B4GALNT4: variants seen among roughly 807,000 people sequenced by gnomAD.
B4GALNT4 encodes beta-1,4-N-acetyl-galactosaminyltransferase 4.
In B4GALNT4, 77 loss-of-function variants were observed where a neutral mutation model predicts 110.0. That is an observed-to-expected ratio of 0.70 (90% confidence interval 0.58 to 0.85). The LOEUF is 0.85. Ranked by LOEUF, B4GALNT4 falls within the 40% of genes least tolerant of loss-of-function variation. The probability of loss-of-function intolerance (pLI) is 0.00; values close to 1 mark genes in which losing one functional copy is unlikely to be tolerated. For missense variants in B4GALNT4, 1,575 were observed against 1,506.0 expected, an observed-to-expected ratio of 1.05 and a Z score of -0.76; for synonymous variants, 785 against 655.5, an observed-to-expected ratio of 1.20 and a Z score of -3.02.
Position 373,133 on chromosome 11 carries a change from G to GC in B4GALNT4, c.535+21dup. On this transcript the variant is annotated intron_variant, in intron 5 of 19. Coordinates refer to ENST00000329962, the MANE Select transcript of B4GALNT4 (RefSeq NM_178537.5). ...CGAGGGACGGTACGGGGGTGAGGGTGCCCCGGGGGAGGGGTGCCGTGAGGC... is the reference window on the plus strand; with the variant it reads ...CGAGGGACGGTACGGGGGTGAGGGTGCCCCCGGGGGAGGGGTGCCGTGAGGC... The GC allele has an allele frequency of 6.2e-7, 1 of 1,612,516 alleles. No individual in the cohort carries two copies. Among genetic ancestry groups the GC allele is most frequent in the East Asian group, 2.2e-5 (1 of 44,876 alleles).
chr11:370,335 C>T (rs1832450721), intron 1 of B4GALNT4, among the ~76,000 whole-genome samples: 1 of 152,140 alleles, frequency 6.6e-6, no homozygotes, highest in Non-Finnish European at 1.5e-5. Flanking sequence ...AAGAGGCCTT[C>T]TCAGGCCTCG....
At position 377,347 on chromosome 11, in the gene B4GALNT4, C is replaced by T. The variant is rs768539307; in HGVS notation, c.2204+20C>T. On this transcript the variant is annotated intron_variant, in intron 14 of 19. Transcript: ENST00000329962. The stretch of plus-strand genomic sequence containing the variant: ...CGGCGGGTATGGGGGCGGCCGAACG[C>T]GCGCCAGGGCGGTTTTGGAGGCGGG... 3 of 1,478,534 alleles carry T rather than the reference C, an allele frequency of 2.0e-6. No homozygotes were observed. Among genetic ancestry groups the T allele is most frequent in the South Asian group, 1.3e-5 (1 of 74,346 alleles). The allele number at this position is 1,478,534 out of a possible 1,614,324, so 91.6% of individuals were successfully genotyped here.
At chr11:373,638 C>A in intron 7 of B4GALNT4, 112 bp from the exon 8 acceptor site, 9 of 1,517,356 alleles carry the variant, frequency 5.9e-6, no homozygotes, top group Admixed American at 3.4e-5. Flanking sequence ...GGCCAAGCTG[C>A]CATCCTCCTG....
At position 376,721 on chromosome 11, in the gene B4GALNT4, G is replaced by A. The variant is rs1304229563; in HGVS notation, c.1598G>A (p.Gly533Glu). ...GTGTACGTGACCAGGGTGCGGCCGG[G>A]ACAGCGGGCATCCCCCCGGGCCCCA... Reference protein sequence around the residue: ...PKVYVTRVRPGQRASPRAPAP... With the variant: ...PKVYVTRVRPEQRASPRAPAP... The change falls in exon 14 of 20, where the codon GGA becomes GAA. Residue 533 changes from glycine to glutamate, a missense_variant. Gly to Glu is a moderately conservative substitution (Grantham distance 98). Transcript: ENST00000329962. The A allele has an allele frequency of 2.8e-6, 4 of 1,405,396 alleles. No homozygotes were observed. Among genetic ancestry groups the A allele is most frequent in the South Asian group, 2.9e-5 (2 of 69,692 alleles). The allele number at this position is 1,405,396 out of a possible 1,614,324, so 87.1% of individuals were successfully genotyped here. A position where few individuals can be genotyped will look rare whatever the true frequency, so the allele number is the denominator to read the frequency against.
At position 375,670 on chromosome 11, in the gene B4GALNT4, G is replaced by T. The variant is rs1382969061; in HGVS notation, c.882G>T (p.Ala294=). The change falls in exon 10 of 20, where the codon GCG becomes GCT. Residue 294 remains alanine, a synonymous_variant. Transcript: ENST00000329962. ...CAGCCTTGAAGATGGACCACGTGGCGCACGTCCCCCAGTCTCCAGCCAGCC... is the reference window on the plus strand; with the variant it reads ...CAGCCTTGAAGATGGACCACGTGGCTCACGTCCCCCAGTCTCCAGCCAGCC... ...DESALKMDHV[A]HVPQSPASHV... is the part of the protein sequence containing the mutation. 1.3e-6 allele frequency: 2 copies of T among 1,591,522 alleles called. No homozygotes were observed. Among genetic ancestry groups the T allele is most frequent in the South Asian group, 1.1e-5 (1 of 90,524 alleles).
At chr11:380,625 C>T (rs1044980687) in intron 18 of B4GALNT4, 180 bp downstream of exon 18, 11 of 1,254,186 alleles carry the variant, frequency 8.8e-6, no homozygotes, top group Non-Finnish European at 1.2e-5. Context: ...TGCCAGGGGC[C>T]CCAGGAACCT....
Position 376,695 on chromosome 11 carries a change from G to C in B4GALNT4, c.1572G>C (p.Lys524Asn), listed in dbSNP as rs1482960178. Residue 524 changes from lysine to asparagine, a missense_variant, in exon 14 of 20, where the codon AAG becomes AAC. Physicochemically the swap from Lys to Asn is moderately conservative, Grantham distance 94. Transcript: ENST00000329962. Reference protein sequence around the residue: ...PRPAVEQPPPKVYVTRVRPGQ... With the variant: ...PRPAVEQPPPNVYVTRVRPGQ... ...CTGCAGTGGAGCAGCCGCCCCCAAA[G>C]GTGTACGTGACCAGGGTGCGGCCGG... 1 of 1,423,626 alleles carries C rather than the reference G, an allele frequency of 7.0e-7. No homozygotes were observed. The highest frequency in any genetic ancestry group is 9.1e-7 in the Non-Finnish European group (1 of 1,094,126). The allele number at this position is 1,423,626 out of a possible 1,614,324, so 88.2% of individuals were successfully genotyped here. A position where few individuals can be genotyped will look rare whatever the true frequency, so the allele number is the denominator to read the frequency against.
At position 369,965 on chromosome 11, in the gene B4GALNT4, G is replaced by T; in HGVS notation, c.151+11G>T. 1 of 591,318 alleles carries T rather than the reference G, an allele frequency of 1.7e-6. No individual in the cohort carries two copies. The highest frequency in any genetic ancestry group is 7.3e-5 in the South Asian group (1 of 13,690). The allele number at this position is 591,318 out of a possible 1,614,324, so 36.6% of individuals were successfully genotyped here. On this transcript the variant is annotated intron_variant, in intron 1 of 19. Coordinates refer to ENST00000329962, the MANE Select transcript of B4GALNT4 (RefSeq NM_178537.5). ...TGGGCTACGGGCGAGGTACGGCGCG[G>T]GGGGCGCGGGGGGCGCGGGGGGCGG...
rs1846666915 is a variant in B4GALNT4 at position 373,683 on chromosome 11, C to T, written c.705-67C>T. ...CCTGAGGGGTGTGGGAGCCACCTGCCCCCTTCCCTGCCTCCACTATTTGAG... is the reference window on the plus strand; with the variant it reads ...CCTGAGGGGTGTGGGAGCCACCTGCTCCCTTCCCTGCCTCCACTATTTGAG... On this transcript the variant is annotated intron_variant, in intron 7 of 19. Transcript: ENST00000329962. 16 of 1,564,938 alleles carry T rather than the reference C, an allele frequency of 1.0e-5. No homozygotes were observed. The East Asian group carries it at 2.5e-4, about 24-fold the overall frequency.
intron 7 of B4GALNT4, 93 bp from the exon 8 acceptor site, chr11:373,657 C>A: frequency 2.0e-6 from 3 of 1,527,656 alleles, no homozygotes; most frequent in Non-Finnish European, 2.7e-6. Context: ...TGAGGGCCAG[C>A]CCTGAGGGGT....
rs1846861804 is a variant in B4GALNT4, at chr11:380,842, G to A, written c.2887G>A (p.Gly963Ser). The change falls in exon 19 of 20, where the codon GGC becomes AGC. Residue 963 changes from glycine to serine, a missense_variant. Transcript: ENST00000329962. ...RDPHGYWEVN[G>S]FGLFGIYKSD... Reference sequence around the variant, plus strand: ...CGCCCCAGGTTACTGGGAGGTGAACGGCTTTGGCCTTTTTGGGATCTACAA... The same window carrying A: ...CGCCCCAGGTTACTGGGAGGTGAACAGCTTTGGCCTTTTTGGGATCTACAA... The A allele has an allele frequency of 1.9e-6, 3 of 1,613,722 alleles. No individual in the cohort carries two copies. The highest frequency in any genetic ancestry group is 1.3e-5 in the African/African-American group (1 of 74,882).
At chr11:373,690 C>T (rs1846666994) in intron 7 of B4GALNT4, 60 bp from the exon 8 acceptor site, 1 of 1,580,624 alleles carries the variant, frequency 6.3e-7, no homozygotes, top group African/African-American at 1.3e-5. Context: ...TGCCCCCTTC[C>T]CTGCCTCCAC....
chr11:375,577 G>A (rs1846727526), intron 9 of B4GALNT4, 50 bp downstream of exon 9: 1 of 1,603,856 alleles, frequency 6.2e-7, no homozygotes, highest in Non-Finnish European at 8.5e-7. Flanking sequence ...ATGGGCTCTG[G>A]GTGTGAGTGG....
In B4GALNT4 at chr11:376,669, C is replaced by T. The variant is rs777699598; in HGVS notation, c.1546C>T (p.Pro516Ser). 2.1e-6 allele frequency: 3 copies of T among 1,429,304 alleles called. No homozygotes were observed. Among genetic ancestry groups the T allele is most frequent in the Non-Finnish European group, 2.7e-6 (3 of 1,095,358 alleles). The allele number at this position is 1,429,304 out of a possible 1,614,324, so 88.5% of individuals were successfully genotyped here. A position where few individuals can be genotyped will look rare whatever the true frequency, so the allele number is the denominator to read the frequency against. ...CTTGGGCCGAGCTCCGCCCCCGCGC[C>T]CTGCAGTGGAGCAGCCGCCCCCAAA... ...LFLGRAPPPRPAVEQPPPKVY... is the reference protein window; with the variant it reads ...LFLGRAPPPRSAVEQPPPKVY... The change falls in exon 14 of 20, where the codon CCT becomes TCT. Residue 516 changes from proline (P) to serine (S), a missense_variant. Transcript: ENST00000329962.
intron 8 of B4GALNT4, among the ~76,000 whole-genome samples, 177 bp downstream of exon 8, chr11:374,005 A>C (rs1846673953): frequency 6.6e-6 from 1 of 152,016 alleles, no homozygotes; most frequent in Non-Finnish European, 1.5e-5. Flanking sequence ...CTTCACTAGG[A>C]GTCACCTTTG....
chr11:379,295 C>A, intron 14 of B4GALNT4, 123 bp from the exon 15 acceptor site: 1 of 1,107,692 alleles, frequency 9.0e-7, no homozygotes, highest in Non-Finnish European at 1.2e-6. Flanking sequence ...AGGTGCTGTG[C>A]CGCGGAGCCC....
chr11:379,596 G>A lies in B4GALNT4; in HGVS notation c.2383G>A (p.Glu795Lys), dbSNP rs752698481. 6.4e-7 allele frequency: 1 copy of A among 1,573,570 alleles called. No individual in the cohort carries two copies. Among genetic ancestry groups the A allele is most frequent in the Non-Finnish European group, 8.6e-7 (1 of 1,161,744 alleles). ...AGGGGATGCAGACGGAGAAAGTCCC[G>A]AACCCGCTCCCGCCGCCTCCGTGCG... ...RVGDADGESP[E>K]PAPAASVRPD... The change falls in exon 15 of 20, where the codon GAA becomes AAA. Residue 795 changes from glutamate to lysine, a missense_variant. Coordinates refer to ENST00000329962, the MANE Select transcript of B4GALNT4 (RefSeq NM_178537.5).
At position 369,703 on chromosome 11, in the gene B4GALNT4, G is replaced by A; in HGVS notation, c.-101G>A. 3.4e-6 allele frequency: 2 copies of A among 594,422 alleles called. No homozygotes were observed. Among genetic ancestry groups the A allele is most frequent in the Non-Finnish European group, 2.1e-6 (1 of 476,576 alleles). The allele number at this position is 594,422 out of a possible 1,614,324, so 36.8% of individuals were successfully genotyped here. On this transcript the variant is annotated 5_prime_UTR_variant, in exon 1 of 20. It removes the in-frame stop codon of an upstream open reading frame in the 5' UTR. Coordinates refer to ENST00000329962, the MANE Select transcript of B4GALNT4 (RefSeq NM_178537.5). ...AGGACCATGCGGGGCCGCGGGCGCT[G>A]AGCGCGGCGGGGCGGGCCGGGGATG...
intron 6 of B4GALNT4, 46 bp from the exon 7 acceptor site, chr11:373,403 A>ACTGGGG: frequency 7.9e-7 from 1 of 1,259,486 alleles, no homozygotes; most frequent in Non-Finnish European, 1.1e-6. Context: ...CCAGGGAGAG[A>ACTGGGG]GTGAACCCCC....
Sources: allele counts gnomAD v4.1 joint callset (sites outside exome capture counted in the v4.1 genomes callset), GRCh38; gene constraint gnomAD v4.1.1; transcripts MANE v1.5; gene names NCBI Gene and HGNC (gene_info 2026-07-23, HGNC 2026-07-21).